The following EEFSEC variants were observed in gnomAD, a reference collection of about 807,000 sequenced individuals.
The protein encoded by EEFSEC is selenocysteine-specific elongation factor.
EEFSEC carries 43 observed loss-of-function variants against 42.1 expected under a neutral mutation model. The ratio of observed to expected loss-of-function variants is 1.02; its 90% CI spans 0.80 to 1.32. The LOEUF is 1.32. Among genes scored for constraint, EEFSEC ranks in the 40% most tolerant of loss-of-function variants. The pLI is 0.00. For missense variants in EEFSEC, 745 were observed against 803.6 expected, an observed-to-expected ratio of 0.93 and a Z score of 0.88; for synonymous variants, 354 against 339.1, an observed-to-expected ratio of 1.04 and a Z score of -0.48.
rs182232560 is a variant in EEFSEC at position 128,269,559 on chromosome 3, C to T, written c.786+4778C>T. Among the ~76,000 whole-genome samples, 12 of 152,314 alleles carry T rather than the reference C, an allele frequency of 7.9e-5. No homozygotes were observed. The South Asian group carries it at 1.2e-3, about 16-fold the overall frequency. Reference sequence around the variant, plus strand: ...ACTAATAGACTTGGACACATCTGACCGCTTGAACTCCCTTGGAGGCAGGGC... The same window carrying T: ...ACTAATAGACTTGGACACATCTGACTGCTTGAACTCCCTTGGAGGCAGGGC... On this transcript the variant is annotated intron_variant, in intron 4 of 6. Coordinates refer to ENST00000254730, the MANE Select transcript of EEFSEC (RefSeq NM_021937.5).
At chr3:128,408,762 C>G (rs1350571880), downstream of EEFSEC, 1 of 153,010 alleles carries the variant, frequency 6.5e-6, no homozygotes. Context: ...GGAAGGGACC[C>G]AAACTCAGAG....
the EEFSEC span, among the ~76,000 whole-genome samples, chr3:128,418,293 GTC>G: frequency 6.6e-6 from 1 of 151,990 alleles, no homozygotes; most frequent in Non-Finnish European, 1.5e-5. Flanking sequence ...CAGATGCAGT[GTC>G]TCTGCCAAGG....
intron 1 of EEFSEC, among the ~76,000 whole-genome samples, chr3:128,154,691 C>G (rs1474708149): frequency 6.6e-6 from 1 of 151,988 alleles, no homozygotes; most frequent in Non-Finnish European, 1.5e-5. Flanking sequence ...CTTCATGACC[C>G]GCCCGCCCTG....
At chr3:128,345,030 A>G (rs2067296579) in intron 5 of EEFSEC, among the ~76,000 whole-genome samples, 1 of 152,206 alleles carries the variant, frequency 6.6e-6, no homozygotes, top group African/African-American at 2.4e-5. Context: ...GGGCTCAGCC[A>G]TCCGACAGAC....
rs148352318 is a variant in EEFSEC at position 128,309,047 on chromosome 3, C to T, written c.787-32186C>T. On this transcript the variant is annotated intron_variant, in intron 4 of 6. Coordinates refer to ENST00000254730, the MANE Select transcript of EEFSEC (RefSeq NM_021937.5). ...CCAGATAGTCAACTAGGTGTTTGTA[C>T]GCATGATCTCATTCGGAAAGACTGC... Among the ~76,000 whole-genome samples the T allele has an allele frequency of 4.5e-3, 691 of 152,332 alleles. 4 individuals are homozygous for T. Among genetic ancestry groups the T allele is most frequent in the African/African-American group, 0.015 (606 of 41,564 alleles).
intron 3 of EEFSEC, among the ~76,000 whole-genome samples, chr3:128,264,336 C>T (rs528007168): frequency 6.6e-6 from 1 of 152,338 alleles, no homozygotes; most frequent in African/African-American, 2.4e-5. Flanking sequence ...CAGGACAGAC[C>T]ATTGTAGCAG....
intron 1 of EEFSEC, among the ~76,000 whole-genome samples, chr3:128,190,454 G>A (rs2065511690): frequency 6.6e-6 from 1 of 152,138 alleles, no homozygotes; most frequent in Admixed American, 6.5e-5. Context: ...TATAGAATAA[G>A]GATATAAAGA....
At chr3:128,264,582 C>T (rs2066332236) in intron 3 of EEFSEC, 35 bp from the exon 4 acceptor site, 14 of 1,607,708 alleles carry the variant, frequency 8.7e-6, no homozygotes, top group Non-Finnish European at 1.2e-5. Context: ...TGGCTCCTCT[C>T]CCCACGGACT....
intron 1 of EEFSEC, among the ~76,000 whole-genome samples, chr3:128,158,252 C>T (rs749394792): frequency 1.9e-4 from 29 of 152,272 alleles, no homozygotes; most frequent in African/African-American, 6.7e-4. Context: ...TGAGATGGAA[C>T]CTACTCCTGG....
chr3:128,218,960 C>T (rs1243851414), intron 1 of EEFSEC, among the ~76,000 whole-genome samples: 1 of 152,204 alleles, frequency 6.6e-6, no homozygotes, highest in Non-Finnish European at 1.5e-5. Context: ...GCACTGTGCT[C>T]TGTACATAAT....
At chr3:128,154,449 T>C (rs565517657) in intron 1 of EEFSEC, among the ~76,000 whole-genome samples, 25 of 145,102 alleles carry the variant, frequency 1.7e-4, no homozygotes, top group African/African-American at 5.2e-4. Flanking sequence ...TTTCTTTTTC[T>C]TTTTTTTTTT....
chr3:128,408,437 G>T lies in EEFSEC; in HGVS notation c.*178G>T. 1 of 615,466 alleles carries T rather than the reference G, an allele frequency of 1.6e-6. No homozygotes were observed. Among genetic ancestry groups the T allele is most frequent in the Non-Finnish European group, 2.6e-6 (1 of 381,172 alleles). The allele number at this position is 615,466 out of a possible 1,614,324, so 38.1% of individuals were successfully genotyped here. A position where few individuals can be genotyped will look rare whatever the true frequency, so the allele number is the denominator to read the frequency against. ...AGGAGCTGAGGGGGATGGGTTGCTG[G>T]GGCCAGGAGGGTCTCTCCTCCAGCC... On this transcript the variant is annotated 3_prime_UTR_variant, in exon 7 of 7. Transcript: ENST00000254730.
chr3:128,263,623 T>C (rs2066321175), intron 3 of EEFSEC, among the ~76,000 whole-genome samples: 1 of 152,266 alleles, frequency 6.6e-6, no homozygotes, highest in Non-Finnish European at 1.5e-5. Context: ...CCTGTTTTGT[T>C]TGAATCTCTA....
At chr3:128,297,292 C>T (rs920355479) in intron 4 of EEFSEC, among the ~76,000 whole-genome samples, 14 of 152,122 alleles carry the variant, frequency 9.2e-5, no homozygotes, top group African/African-American at 3.4e-4. Context: ...TTATGCTTAC[C>T]CTTCTCTTGA....
chr3:128,414,617 C>T, the EEFSEC span, among the ~76,000 whole-genome samples: 9 of 152,254 alleles, frequency 5.9e-5, no homozygotes, highest in Non-Finnish European at 1.2e-4. Flanking sequence ...CCCAGACTGT[C>T]ATCAGCACCA....
chr3:128,351,087 TC>T (rs1377424489), intron 5 of EEFSEC, among the ~76,000 whole-genome samples: 11 of 152,032 alleles, frequency 7.2e-5, no homozygotes, highest in African/African-American at 1.9e-4. Flanking sequence ...CTGGCTTCTG[TC>T]CTCCGAGAAG....
At chr3:128,350,663 G>A (rs79777261) in intron 5 of EEFSEC, among the ~76,000 whole-genome samples, 1,685 of 152,218 alleles carry the variant, frequency 0.011, 30 homozygotes, top group African/African-American at 0.039. Flanking sequence ...TTGCTTTTTT[G>A]CCCATATAGA....
chr3:128,299,330 G>A (rs909012886), intron 4 of EEFSEC, among the ~76,000 whole-genome samples: 3 of 152,122 alleles, frequency 2.0e-5, no homozygotes, highest in Admixed American at 6.5e-5. Context: ...GTAAAGTTGA[G>A]CATTTTTTCA....
At chr3:128,342,181 T>G (rs1365472612) in intron 5 of EEFSEC, among the ~76,000 whole-genome samples, 1 of 150,534 alleles carries the variant, frequency 6.6e-6, no homozygotes, top group Non-Finnish European at 1.5e-5. Flanking sequence ...GTGGCACCCA[T>G]GGGTCTGAGC....
Sources: gnomAD v4.1 joint callset for allele counts (sites outside exome capture counted in the v4.1 genomes callset) on GRCh38, gnomAD v4.1.1 for gene constraint, MANE v1.5 for transcripts, NCBI Gene and HGNC (gene_info 2026-07-23, HGNC 2026-07-21) for gene names.